NLRC5: variants seen among roughly 807,000 people sequenced by gnomAD.
NLRC5 encodes the protein NLR family CARD domain containing 5, also known as protein NLRC5.
A neutral mutation model predicts 206.9 loss-of-function variants in NLRC5; 114 were observed. That is an observed-to-expected ratio of 0.55 (90% CI 0.47 to 0.64). The LOEUF is 0.64. NLRC5 is among the 30% of genes least tolerant of loss of function. The pLI is 0.00. For synonymous variants in NLRC5, 952 were observed against 962.8 expected (o/e 0.99, Z 0.21); for missense variants, 2,008 against 2,305.5 (o/e 0.87, Z 2.64).
chr16:57,048,929 C>G (rs375312899), intron 23 of NLRC5, among the ~76,000 whole-genome samples: 2 of 152,136 alleles, frequency 1.3e-5, no homozygotes, highest in Non-Finnish European at 2.9e-5. Context: ...TATACTGATG[C>G]CTTTTAATAC....
chr16:57,005,117 G>A (rs756154556), intron 1 of NLRC5, among the ~76,000 whole-genome samples: 3 of 152,180 alleles, frequency 2.0e-5, no homozygotes, highest in Non-Finnish European at 2.9e-5. Context: ...AAAGCCAGAG[G>A]TCCTGGTGCC....
In NLRC5 at chr16:57,054,825, A is replaced by G. The variant is rs1217857252; in HGVS notation, c.3581A>G (p.Lys1194Arg). 2 of 1,614,098 alleles carry G rather than the reference A, an allele frequency of 1.2e-6. No individual in the cohort carries two copies. The highest frequency in any genetic ancestry group is 2.7e-5 in the African/African-American group (2 of 74,948). Residue 1194 changes from lysine to arginine, a missense_variant, in exon 25 of 49, where the codon AAA becomes AGA. By Grantham distance (26) the Lys-to-Arg change is conservative (BLOSUM62 2). Coordinates refer to ENST00000688547, the MANE Select transcript of NLRC5 (RefSeq NM_001384950.1). The part of the protein sequence containing the change: ...ANTLSLCPRV[K>R]KVDLRSLHHA... ...ACCTTAAGCCTGTGTCCACGGGTTA[A>G]AAAGGTGGATCTCAGGTGGGCATTC...
intron 20 of NLRC5, among the ~76,000 whole-genome samples, chr16:57,044,428 C>CTGGTG (rs1186193315): frequency 4.6e-5 from 7 of 152,160 alleles, no homozygotes; most frequent in Non-Finnish European, 7.3e-5. Context: ...AGCCAAGCCA[C>CTGGTG]CCCAGGCACT....
In NLRC5 at chr16:57,022,334, G is replaced by A. The variant is rs1218814982; in HGVS notation, c.355+19G>A. On this transcript the variant is annotated intron_variant, in intron 4 of 48. Coordinates refer to ENST00000688547, the MANE Select transcript of NLRC5 (RefSeq NM_001384950.1). ...CACCATGGTGAGGACTGGAGTTGGGGGGTGGGAAGGGGGTGGTGAGCACTG... is the reference window on the plus strand; with the variant it reads ...CACCATGGTGAGGACTGGAGTTGGGAGGTGGGAAGGGGGTGGTGAGCACTG... 3 of 1,602,300 alleles carry A rather than the reference G, an allele frequency of 1.9e-6. No individual in the cohort carries two copies. The South Asian group carries it at 3.3e-5, about 18-fold the overall frequency.
intron 1 of NLRC5, among the ~76,000 whole-genome samples, chr16:57,006,147 C>T (rs896034662): frequency 1.1e-4 from 16 of 151,640 alleles, no homozygotes; most frequent in South Asian, 1.0e-3. Flanking sequence ...AACATGTGTG[C>T]ACCACCACTC....
rs1434386757 is a variant in NLRC5 at position 57,034,235 on chromosome 16, C to T, written c.2611C>T (p.His871Tyr). Reference protein sequence around the residue: ...ALIALLQEGPHLEEVDLSGNQ... With the variant: ...ALIALLQEGPYLEEVDLSGNQ... ...CATAGCCCTGCTCCAGGAAGGCCCT[C>T]ACCTGGAGGAAGTGGAGTGAGTATC... The change falls in exon 13 of 49, where the codon CAC (histidine) becomes TAC (tyrosine). Residue 871 changes from histidine (H) to tyrosine (Y), a missense_variant. By Grantham distance (83) the His-to-Tyr change is moderately conservative (BLOSUM62 2). Coordinates refer to ENST00000688547, the MANE Select transcript of NLRC5 (RefSeq NM_001384950.1). The T allele has an allele frequency of 1.2e-6, 2 of 1,613,544 alleles. No homozygotes were observed. Among genetic ancestry groups the T allele is most frequent in the African/African-American group, 1.3e-5 (1 of 74,914 alleles).
intron 22 of NLRC5, 23 bp downstream of exon 22, chr16:57,046,664 T>C: frequency 6.2e-7 from 1 of 1,603,742 alleles, no homozygotes; most frequent in African/African-American, 1.3e-5. Flanking sequence ...CCCTTCTTGT[T>C]TGGGGGTAAC....
chr16:57,042,026 C>A lies in NLRC5; in HGVS notation c.3074C>A (p.Ala1025Asp). The A allele has an allele frequency of 6.4e-7, 1 of 1,573,230 alleles. No homozygotes were observed. Among genetic ancestry groups the A allele is most frequent in the Non-Finnish European group, 8.6e-7 (1 of 1,163,582 alleles). ...ALGDEGAARL[A>D]QLLPGLGALQ... ...GGGGATGAAGGTGCAGCCCGGCTGG[C>A]TCAGCTGCTCCCAGGGCTGGGAGCT... Residue 1025 changes from alanine to aspartate, a missense_variant, in exon 19 of 49, where the codon GCT becomes GAT. Coordinates refer to ENST00000688547, the MANE Select transcript of NLRC5 (RefSeq NM_001384950.1).
At position 57,045,655 on chromosome 16, in the gene NLRC5, C is replaced by G. The variant is rs141101417; in HGVS notation, c.3248+163C>G. ...CACCACTTCAGTAACCACCGCCCCC[C>G]CCATAAATTGTCAGTAATCAACTGC... On this transcript the variant is annotated intron_variant, in intron 21 of 48. Transcript: ENST00000688547. Among the ~76,000 whole-genome samples the G allele has an allele frequency of 1.0e-3, 159 of 152,292 alleles. 1 individual carries two copies. Among genetic ancestry groups the G allele is most frequent in the African/African-American group, 3.5e-3 (145 of 41,564 alleles).
chr16:57,037,610 G>T, intron 15 of NLRC5, among the ~76,000 whole-genome samples: 1 of 152,164 alleles, frequency 6.6e-6, no homozygotes, highest in South Asian at 2.1e-4. Context: ...GTGGGACAAA[G>T]CTCCCTGGGA....
intron 1 of NLRC5, chr16:57,013,482 T>C (rs997494136): frequency 1.4e-6 from 1 of 729,534 alleles, no homozygotes; most frequent in Non-Finnish European, 2.5e-6. Context: ...TCTGAGTCAT[T>C]GAGGTGAGCA....
intron 32 of NLRC5, 151 bp downstream of exon 32, chr16:57,061,852 T>C: frequency 6.5e-7 from 1 of 1,534,716 alleles, no homozygotes; most frequent in Non-Finnish European, 8.7e-7. Context: ...CCTGTCCATC[T>C]GTCCCAGAGA....
intron 1 of NLRC5, among the ~76,000 whole-genome samples, chr16:57,007,437 T>C (rs749939309): frequency 7.2e-5 from 11 of 152,178 alleles, no homozygotes; most frequent in East Asian, 1.9e-4. Flanking sequence ...TTAAAAGTCA[T>C]TGGGGCCAGG....
At position 57,069,903 on chromosome 16, in the gene NLRC5, C is replaced by T; in HGVS notation, c.4567C>T (p.His1523Tyr). 6.3e-7 allele frequency: 1 copy of T among 1,583,054 alleles called. No homozygotes were observed. The highest frequency in any genetic ancestry group is 8.6e-7 in the Non-Finnish European group (1 of 1,165,106). Residue 1523 changes from histidine to tyrosine, a missense_variant, in exon 37 of 49, where the codon CAC becomes TAC. Transcript: ENST00000688547. The stretch of plus-strand genomic sequence containing the variant: ...GGCATCTGGTCTGGGCCACTGCCAC[C>T]ACTTGGAGGAGCTGGAGTGAGTTGC... ...HLASGLGHCH[H>Y]LEELDLSNNQ...
intron 15 of NLRC5, among the ~76,000 whole-genome samples, chr16:57,038,141 G>A (rs567629630): frequency 2.0e-5 from 3 of 152,160 alleles, no homozygotes; most frequent in African/African-American, 4.8e-5. Context: ...ATGTTTAACC[G>A]AGGGATATTA....
In NLRC5 at chr16:57,078,081, T is replaced by TGG. The variant is rs11432614; in HGVS notation, c.5081+67_5081+68dup. 3.7e-3 allele frequency: 4,960 copies of TGG among 1,332,158 alleles called. 11 individuals carry two copies. The highest frequency in any genetic ancestry group is 0.012 in the South Asian group (824 of 68,494). 82.5% of individuals were successfully genotyped at this position (1,332,158 alleles called of 1,614,324 possible). ...TGGGGAGGAGGGTCCTCGGGAGCAG[T>TGG]GGGGGGGTCCAGGCCCCCATCAGTT... On this transcript the variant is annotated intron_variant, in intron 43 of 48. Coordinates refer to ENST00000688547, the MANE Select transcript of NLRC5 (RefSeq NM_001384950.1).
chr16:57,033,575 C>G (rs746051111), intron 11 of NLRC5, 29 bp from the exon 12 acceptor site: 2 of 1,612,644 alleles, frequency 1.2e-6, no homozygotes, highest in African/African-American at 1.3e-5. Flanking sequence ...TGCCTGAGCC[C>G]AGGCCAATGC....
At chr16:57,008,854 G>A (rs910938689) in intron 1 of NLRC5, among the ~76,000 whole-genome samples, 3 of 152,042 alleles carry the variant, frequency 2.0e-5, no homozygotes, top group African/African-American at 7.3e-5. Context: ...TACAGAACTA[G>A]AAAAGGGACC....
intron 2 of NLRC5, among the ~76,000 whole-genome samples, chr16:57,017,895 A>G (rs1374773974): frequency 6.6e-6 from 1 of 152,240 alleles, no homozygotes; most frequent in African/African-American, 2.4e-5. Context: ...GAGCTGGGCC[A>G]TGGATCTTTC....
Sources: gnomAD v4.1 joint callset for allele counts (sites outside exome capture counted in the v4.1 genomes callset) on GRCh38, gnomAD v4.1.1 for gene constraint, MANE v1.5 for transcripts, NCBI Gene and HGNC (gene_info 2026-07-23, HGNC 2026-07-21) for gene names.